Variants in ARHGEF11 observed in about 807,000 individuals in gnomAD.
ARHGEF11 encodes Rho guanine exchange factor (GEF) 11.
ARHGEF11 carries 55 observed loss-of-function variants against 193.7 expected under a neutral mutation model. The observed-to-expected ratio is 0.28, with a 90% CI of 0.23 to 0.36. The LOEUF (loss-of-function observed/expected upper bound fraction) is 0.36. Among genes scored for constraint, ARHGEF11 ranks in the 10% least tolerant of loss-of-function variants. ARHGEF11 has a pLI of 1.00. For missense variants in ARHGEF11, 1,723 were observed against 2,005.6 expected (o/e 0.86, Z 2.69); for synonymous variants, 693 against 768.0 (o/e 0.90, Z 1.62).
At chr1:156,969,221 G>T in intron 10 of ARHGEF11, 61 bp downstream of exon 10, 1 of 1,410,854 alleles carries the variant, frequency 7.1e-7, no homozygotes, top group Non-Finnish European at 9.8e-7. Flanking sequence ...AGCAGAACTT[G>T]GGTCAAGGGA....
intron 1 of ARHGEF11, among the ~76,000 whole-genome samples, chr1:157,002,988 T>C (rs146961301): frequency 0.012 from 1,897 of 152,366 alleles, 27 homozygotes; most frequent in Non-Finnish European, 0.017. Context: ...CATGAGAGTG[T>C]TAGGACTAAA....
At chr1:156,945,274 T>C in intron 29 of ARHGEF11, 77 bp from the exon 30 acceptor site, 1 of 1,500,228 alleles carries the variant, frequency 6.7e-7, no homozygotes, top group Non-Finnish European at 9.0e-7. Context: ...TATCTGCCTA[T>C]TCATCCATGG....
At chr1:156,983,253 C>T (rs1194358555) in intron 3 of ARHGEF11, among the ~76,000 whole-genome samples, 2 of 151,978 alleles carry the variant, frequency 1.3e-5, no homozygotes, top group Admixed American at 6.6e-5. Flanking sequence ...GACGGAGTCT[C>T]GCTCAGTCAC....
chr1:157,006,137 A>T (rs1557940563), intron 1 of ARHGEF11, among the ~76,000 whole-genome samples: 2 of 146,782 alleles, frequency 1.4e-5, no homozygotes, highest in African/African-American at 5.0e-5. Context: ...TCACAAATCT[A>T]TTTTTTTTTT....
At chr1:157,046,501 T>A (rs887413791), upstream of ARHGEF11, among the ~76,000 whole-genome samples, 3 of 152,174 alleles carry the variant, frequency 2.0e-5, no homozygotes, top group Non-Finnish European at 4.4e-5. Flanking sequence ...GCCTCCTTCG[T>A]GGTGTCAGTT....
chr1:157,006,724 T>C (rs553601359), intron 1 of ARHGEF11, among the ~76,000 whole-genome samples: 1 of 152,272 alleles, frequency 6.6e-6, no homozygotes, highest in Admixed American at 6.5e-5. Flanking sequence ...TGAGAAAAGT[T>C]TCACCATCTG....
At chr1:157,030,812 A>G (rs959300808) in intron 1 of ARHGEF11, among the ~76,000 whole-genome samples, 3 of 152,180 alleles carry the variant, frequency 2.0e-5, no homozygotes, top group African/African-American at 4.8e-5. Flanking sequence ...GACCACCTCA[A>G]TGAGATAATG....
chr1:156,974,848 C>A (rs1663042585), intron 7 of ARHGEF11, among the ~76,000 whole-genome samples: 1 of 152,138 alleles, frequency 6.6e-6, no homozygotes, highest in Non-Finnish European at 1.5e-5. Flanking sequence ...GTACTTCTTT[C>A]TTTTTTATGG....
intron 1 of ARHGEF11, among the ~76,000 whole-genome samples, chr1:157,010,488 C>T (rs141957833): frequency 1.3e-5 from 2 of 152,124 alleles, no homozygotes; most frequent in South Asian, 4.1e-4. Flanking sequence ...GTTGTGTGAT[C>T]GTAGCCCACT....
intron 1 of ARHGEF11, among the ~76,000 whole-genome samples, chr1:157,005,253 C>T (rs1291057218): frequency 6.6e-6 from 1 of 152,196 alleles, no homozygotes; most frequent in African/African-American, 2.4e-5. Flanking sequence ...AAAGAGAATG[C>T]TGTCCCTTAT....
In ARHGEF11 at chr1:156,947,795, T is replaced by G. The variant is rs1658420501; in HGVS notation, c.2315A>C (p.Glu772Ala). ...ATTGATGACCTCTTGCCGGTCAATC[T>G]CCCGCTGGGTTAGCCCAGCCACCAC... ...KDVVAGLTQR[E>A]IDRQEVINEL... Residue 772 changes from glutamate to alanine, a missense_variant, in exon 25 of 41, where the codon GAG becomes GCG. Around this residue, in one of 5 missense-constraint regions of ARHGEF11, gnomAD observed 491 missense variants for 654.5 expected, o/e 0.75. Coordinates refer to ENST00000368194, the MANE Select transcript of ARHGEF11 (RefSeq NM_198236.3). 3 of 1,613,622 alleles carry G rather than the reference T, an allele frequency of 1.9e-6. No homozygotes were observed. In the East Asian group the frequency reaches 6.7e-5, roughly 36 times the overall value.
chr1:156,977,712 C>T (rs1267706261), intron 6 of ARHGEF11, among the ~76,000 whole-genome samples: 1 of 152,208 alleles, frequency 6.6e-6, no homozygotes, highest in East Asian at 1.9e-4. Flanking sequence ...CTGCGCCTAG[C>T]CTCTACTTGT....
chr1:157,043,550 C>G (rs949979520), intron 1 of ARHGEF11, among the ~76,000 whole-genome samples: 1 of 152,174 alleles, frequency 6.6e-6, no homozygotes, highest in Admixed American at 6.5e-5. Context: ...GCCCAGCAGG[C>G]CTACGAGCCC....
chr1:157,000,557 T>C (rs1557932301), intron 1 of ARHGEF11, among the ~76,000 whole-genome samples: 1 of 152,216 alleles, frequency 6.6e-6, no homozygotes, highest in African/African-American at 2.4e-5. Context: ...AAGATTCACC[T>C]TTCTAATTTA....
chr1:157,000,988 C>A (rs1383573156), intron 1 of ARHGEF11, among the ~76,000 whole-genome samples: 1 of 152,148 alleles, frequency 6.6e-6, no homozygotes, highest in East Asian at 1.9e-4. Flanking sequence ...TATTCCAGGT[C>A]CCCCTGGAAA....
chr1:157,031,760 C>T (rs1671338631), intron 1 of ARHGEF11, among the ~76,000 whole-genome samples: 1 of 152,200 alleles, frequency 6.6e-6, no homozygotes, highest in South Asian at 2.1e-4. Context: ...CCTACTCCCA[C>T]CCCTTGAGCA....
intron 1 of ARHGEF11, among the ~76,000 whole-genome samples, chr1:157,035,575 T>C (rs1671819627): frequency 6.6e-6 from 1 of 151,810 alleles, no homozygotes; most frequent in Non-Finnish European, 1.5e-5. Flanking sequence ...GCGGCTAATT[T>C]TGTATTTTTA....
chr1:156,966,161 C>T (rs1661648520), intron 11 of ARHGEF11, among the ~76,000 whole-genome samples: 1 of 152,158 alleles, frequency 6.6e-6, no homozygotes, highest in South Asian at 2.1e-4. Context: ...GTAGGATTAT[C>T]GTTTGCTCTG....
At chr1:157,038,881 TG>T in intron 1 of ARHGEF11, among the ~76,000 whole-genome samples, 1 of 152,144 alleles carries the variant, frequency 6.6e-6, no homozygotes, top group Non-Finnish European at 1.5e-5. Context: ...TAGCCAGGTG[TG>T]GTGGCACATG....
Sources: gnomAD v4.1 joint callset for allele counts (sites outside exome capture counted in the v4.1 genomes callset) on GRCh38, gnomAD v4.1.1 for gene constraint, gnomAD v4.1.1 regional missense constraint, MANE v1.5 for transcripts, NCBI Gene and HGNC (gene_info 2026-07-23, HGNC 2026-07-21) for gene names.